Variants in ARHGAP39 observed in about 807,000 individuals in gnomAD.
ARHGAP39 encodes the protein rho GTPase-activating protein 39.
ARHGAP39 carries 44 observed loss-of-function variants against 106.9 expected under a neutral mutation model. The observed-to-expected ratio is 0.41, with a 90% CI of 0.32 to 0.53. The LOEUF is 0.53. Among genes scored for constraint, ARHGAP39 ranks in the 20% least tolerant of loss-of-function variants. The probability of loss-of-function intolerance (pLI) is 0.21; values close to 1 mark genes in which losing one functional copy is unlikely to be tolerated. For missense variants in ARHGAP39, 1,496 were observed against 1,577.3 expected, an observed-to-expected ratio of 0.95 and a Z score of 0.87; for synonymous variants, 768 against 693.2, an observed-to-expected ratio of 1.11 and a Z score of -1.69.
rs1377167346 is a variant in ARHGAP39 at position 144,647,652 on chromosome 8, A to G, written c.-82+38034T>C. Among the ~76,000 whole-genome samples the G allele has an allele frequency of 6.6e-6, 1 of 152,262 alleles. No individual in the cohort carries two copies. The highest frequency in any genetic ancestry group is 1.5e-5 in the Non-Finnish European group (1 of 68,050). ...GTCAGGACCTTTGGTGGGTGAGGGA[A>G]GGAATGACCAATCCAAGACAAGAAA... On this transcript the variant is annotated intron_variant, in intron 1 of 11. Transcript: ENST00000377307. The surrounding 1 kb of genome is among the most constrained non-coding windows in gnomAD (Gnocchi z 4.8).
intron 3 of ARHGAP39, among the ~76,000 whole-genome samples, chr8:144,578,693 A>T (rs1818857107): frequency 6.6e-6 from 1 of 152,058 alleles, no homozygotes; most frequent in Non-Finnish European, 1.5e-5. Flanking sequence ...TACAAAAAAA[A>T]TACAAAAATT....
intron 2 of ARHGAP39, among the ~76,000 whole-genome samples, chr8:144,602,621 T>TGC (rs1379731017): frequency 4.9e-5 from 6 of 123,352 alleles, no homozygotes; most frequent in African/African-American, 1.1e-4. Flanking sequence ...TGTACCTGTG[T>TGC]GTGCGTGGAG....
intron 1 of ARHGAP39, among the ~76,000 whole-genome samples, chr8:144,685,458 G>C (rs1247600777): frequency 1.4e-5 from 2 of 146,342 alleles, no homozygotes; most frequent in Admixed American, 1.3e-4. Context: ...TCGGCCCCTC[G>C]AGCCTCCGCG....
chr8:144,554,153 G>A (rs779587446), intron 4 of ARHGAP39, among the ~76,000 whole-genome samples: 12 of 152,224 alleles, frequency 7.9e-5, no homozygotes, highest in African/African-American at 2.7e-4. Context: ...CGGGGGCTGC[G>A]GACCTCCAGG....
At position 144,646,257 on chromosome 8, in the gene ARHGAP39, C is replaced by G. The variant is rs1489193396; in HGVS notation, c.-82+39429G>C. The stretch of plus-strand genomic sequence containing the variant: ...TCAACAGGGAAGAGCACGTATGGAC[C>G]AGGCCAACAGGGGGCCCCAAACAGG... On this transcript the variant is annotated intron_variant, in intron 1 of 11. Coordinates refer to ENST00000377307, the MANE Select transcript of ARHGAP39 (RefSeq NM_025251.3). This position sits in a 1 kb window ranked among gnomAD's most constrained non-coding sequence, Gnocchi z 5.7. Among the ~76,000 whole-genome samples, 1 of 152,128 alleles carries G rather than the reference C, an allele frequency of 6.6e-6. No homozygotes were observed. Among genetic ancestry groups the G allele is most frequent in the East Asian group, 1.9e-4 (1 of 5,180 alleles).
rs1822518369 is a variant in ARHGAP39, at chr8:144,684,329, T to C, written c.-82+1357A>G. Among the ~76,000 whole-genome samples, 1 of 152,210 alleles carries C rather than the reference T, an allele frequency of 6.6e-6. No individual in the cohort carries two copies. Among genetic ancestry groups the C allele is most frequent in the South Asian group, 2.1e-4 (1 of 4,830 alleles). ...CCCCGGCGCGAGAATCGCACCTTGC[T>C]CCTTGTGGATCGGGCGCCGCCGACG... On this transcript the variant is annotated intron_variant, in intron 1 of 11. Coordinates refer to ENST00000377307, the MANE Select transcript of ARHGAP39 (RefSeq NM_025251.3). The surrounding 1 kb of genome is among the most constrained non-coding windows in gnomAD (Gnocchi z 4.4).
intron 2 of ARHGAP39, among the ~76,000 whole-genome samples, chr8:144,600,838 T>C (rs1338541171): frequency 1.3e-5 from 2 of 149,006 alleles, no homozygotes; most frequent in African/African-American, 5.0e-5. Context: ...GGCGTGTGTG[T>C]GCTCGTGTAC....
chr8:144,651,704 C>CA (rs200563499), intron 1 of ARHGAP39, among the ~76,000 whole-genome samples: 12 of 150,014 alleles, frequency 8.0e-5, no homozygotes, highest in African/African-American at 2.7e-4. Context: ...GACTCTGTCT[C>CA]AAAAAAAAAT....
chr8:144,549,451 T>C (rs974742494), intron 4 of ARHGAP39, among the ~76,000 whole-genome samples: 1 of 152,240 alleles, frequency 6.6e-6, no homozygotes, highest in Non-Finnish European at 1.5e-5. Context: ...CTCTCTTCTC[T>C]TCTGGAAATC....
At chr8:144,581,876 G>A (rs546432932) in intron 2 of ARHGAP39, among the ~76,000 whole-genome samples, 395 of 152,306 alleles carry the variant, frequency 2.6e-3, no homozygotes, top group African/African-American at 8.8e-3. Context: ...GCTCAGTAAC[G>A]TTTCTGAGGC....
At chr8:144,582,647 C>G (rs948040270) in intron 2 of ARHGAP39, among the ~76,000 whole-genome samples, 12 of 152,162 alleles carry the variant, frequency 7.9e-5, no homozygotes, top group Non-Finnish European at 1.2e-4. Flanking sequence ...TGCTCAGGGC[C>G]TTACGTGGGG....
chr8:144,626,687 C>T (rs951402174), intron 1 of ARHGAP39, among the ~76,000 whole-genome samples: 5 of 152,252 alleles, frequency 3.3e-5, no homozygotes, highest in South Asian at 2.1e-4. Flanking sequence ...TGAGTCCTGA[C>T]CTCCCCACGT....
upstream of ARHGAP39, among the ~76,000 whole-genome samples, chr8:144,689,083 GT>G (rs1822691796): frequency 6.6e-6 from 1 of 152,124 alleles, no homozygotes; most frequent in Non-Finnish European, 1.5e-5. Flanking sequence ...AAGGTCTATT[GT>G]TTAATAGAGC....
intron 2 of ARHGAP39, among the ~76,000 whole-genome samples, chr8:144,596,546 G>T (rs1819628721): frequency 2.0e-5 from 3 of 152,354 alleles, no homozygotes; most frequent in African/African-American, 7.2e-5. Context: ...TTCACTCGTG[G>T]GGTGAATCCA....
At chr8:144,546,103 T>A (rs1032343732) in intron 5 of ARHGAP39, among the ~76,000 whole-genome samples, 1 of 152,128 alleles carries the variant, frequency 6.6e-6, no homozygotes, top group Non-Finnish European at 1.5e-5. Context: ...AAGGGGAGCA[T>A]CCGCTGGCAC....
intron 2 of ARHGAP39, among the ~76,000 whole-genome samples, chr8:144,601,855 AGGT>A (rs1819981319): frequency 9.3e-6 from 1 of 107,110 alleles, no homozygotes; most frequent in Non-Finnish European, 1.9e-5. Context: ...ATGTGCGTAG[AGGT>A]GTGTGTGCGA....
In ARHGAP39 at chr8:144,614,291, G is replaced by T. The variant is rs117980993; in HGVS notation, c.-81-8596C>A. On this transcript the variant is annotated intron_variant, in intron 1 of 11. Transcript: ENST00000377307. ...TTTCCACACCTGATAATCTTTGGTT[G>T]GATGCCAGACATTATGAATGTTACC... 5.1e-3 allele frequency among the ~76,000 whole-genome samples: 772 copies of T among 151,350 alleles called. 8 individuals carry two copies. Among genetic ancestry groups the T allele is most frequent in the Admixed American group, 8.1e-3 (123 of 15,218 alleles).
intron 1 of ARHGAP39, among the ~76,000 whole-genome samples, chr8:144,665,669 C>A (rs1429776809): frequency 6.6e-6 from 1 of 152,192 alleles, no homozygotes; most frequent in African/African-American, 2.4e-5. Flanking sequence ...CTTGGCAGCT[C>A]CCATGTGGTG....
intron 1 of ARHGAP39, among the ~76,000 whole-genome samples, chr8:144,637,725 C>T (rs545997338): frequency 2.6e-5 from 4 of 151,800 alleles, no homozygotes; most frequent in African/African-American, 4.8e-5. Context: ...TTTTTTTAGA[C>T]GGTCTTGCTC....
Sources: gnomAD v4.1 joint callset for allele counts (sites outside exome capture counted in the v4.1 genomes callset) on GRCh38, gnomAD v4.1.1 for gene constraint, Gnocchi (gnomAD v3.1) non-coding constraint, MANE v1.5 for transcripts, NCBI Gene and HGNC (gene_info 2026-07-23, HGNC 2026-07-21) for gene names.